Variants in PDZD2 observed in about 807,000 individuals in gnomAD.
PDZD2 encodes the protein PDZ domain containing 2.
A neutral mutation model predicts 220.7 loss-of-function variants in PDZD2; 90 were observed. The ratio of observed to expected loss-of-function variants is 0.41; its 90% confidence interval spans 0.34 to 0.49. The LOEUF (loss-of-function observed/expected upper bound fraction) is 0.49. Ranked by LOEUF, PDZD2 falls within the 20% of genes least tolerant of loss-of-function variation. The pLI, the probability that PDZD2 is intolerant of heterozygous loss-of-function variation, is 0.28. For missense variants in PDZD2, 3,174 were observed against 3,608.5 expected (o/e 0.88, Z 3.08); for synonymous variants, 1,375 against 1,450.5 (o/e 0.95, Z 1.18).
intron 2 of PDZD2, among the ~76,000 whole-genome samples, chr5:31,901,842 A>C (rs936971384): frequency 6.6e-6 from 1 of 152,176 alleles, no homozygotes; most frequent in Non-Finnish European, 1.5e-5. Flanking sequence ...TTTTCTGGAC[A>C]CTTCATGTAA....
intron 3 of PDZD2, among the ~76,000 whole-genome samples, chr5:31,988,951 A>G (rs1750952560): frequency 6.6e-6 from 1 of 151,934 alleles, no homozygotes; most frequent in African/African-American, 2.4e-5. Flanking sequence ...CTCCTGCGGT[A>G]CCCTCTGCTG....
chr5:31,670,064 T>C (rs1428747279), intron 1 of PDZD2, among the ~76,000 whole-genome samples: 1 of 152,240 alleles, frequency 6.6e-6, no homozygotes, highest in African/African-American at 2.4e-5. Context: ...ATCTGAGCCT[T>C]GCTCTTCTGG....
chr5:32,069,504 G>A, intron 14 of PDZD2, 65 bp from the exon 15 acceptor site: 1 of 917,024 alleles, frequency 1.1e-6, no homozygotes, highest in Non-Finnish European at 1.8e-6. Flanking sequence ...TCTGGTCCTA[G>A]GTACTTTCAT....
At chr5:31,911,821 C>T (rs575340258) in intron 2 of PDZD2, among the ~76,000 whole-genome samples, 2 of 152,328 alleles carry the variant, frequency 1.3e-5, no homozygotes, top group Admixed American at 6.5e-5. Context: ...CGCTTCTCTT[C>T]TGCCATGCTC....
At chr5:31,953,511 C>T (rs182518891) in intron 2 of PDZD2, among the ~76,000 whole-genome samples, 29 of 152,168 alleles carry the variant, frequency 1.9e-4, no homozygotes, top group Admixed American at 8.5e-4. Flanking sequence ...TGTGCTAATA[C>T]ATCACAAAAA....
intron 2 of PDZD2, among the ~76,000 whole-genome samples, chr5:31,965,203 G>A (rs1748619738): frequency 6.6e-6 from 1 of 152,170 alleles, no homozygotes; most frequent in South Asian, 2.1e-4. Flanking sequence ...GAAGGAAGAG[G>A]CTCTCCCATA....
At chr5:31,776,140 C>T (rs531705901) in intron 1 of PDZD2, among the ~76,000 whole-genome samples, 1 of 152,166 alleles carries the variant, frequency 6.6e-6, no homozygotes, top group South Asian at 2.1e-4. Context: ...GAATAAGGGG[C>T]CTTCACTGGC....
At chr5:31,877,381 A>C (rs1739398106) in intron 2 of PDZD2, among the ~76,000 whole-genome samples, 1 of 151,784 alleles carries the variant, frequency 6.6e-6, no homozygotes, top group African/African-American at 2.4e-5. Context: ...ACGCTGAGCT[A>C]ATATTTTTTG....
At chr5:31,981,566 T>C (rs1750301245) in intron 2 of PDZD2, among the ~76,000 whole-genome samples, 1 of 152,216 alleles carries the variant, frequency 6.6e-6, no homozygotes, top group Admixed American at 6.5e-5. Context: ...CCAGAAGGCA[T>C]GTTAATGTCT....
intron 5 of PDZD2, among the ~76,000 whole-genome samples, chr5:32,005,156 G>A (rs1019694495): frequency 2.0e-5 from 3 of 152,194 alleles, no homozygotes; most frequent in African/African-American, 4.8e-5. Flanking sequence ...CTTCCTTGCT[G>A]TCTTCACACT....
Position 32,088,983 on chromosome 5 carries a change from T to G in PDZD2, c.5535T>G (p.Val1845=). The G allele has an allele frequency of 6.2e-7, 1 of 1,614,008 alleles. No homozygotes were observed. Among genetic ancestry groups the G allele is most frequent in the Non-Finnish European group, 8.5e-7 (1 of 1,180,012 alleles). Residue 1845 remains valine (V), a synonymous_variant, in exon 20 of 25, where the codon GTT becomes GTG. Transcript: ENST00000438447. The surrounding 1 kb of genome is among the most constrained non-coding windows in gnomAD (Gnocchi z 4.6). ...QMVSSSQKKG[V]TVPHSPPQPK... ...TGAGTTCAAGCCAAAAAAAGGGCGT[T>G]ACTGTGCCTCATAGCCCTCCTCAGC...
chr5:32,038,958 C>T (rs979212756), intron 7 of PDZD2, among the ~76,000 whole-genome samples: 1 of 152,212 alleles, frequency 6.6e-6, no homozygotes, highest in Admixed American at 6.5e-5. Flanking sequence ...AGTACGTTAA[C>T]GTTCAAAAAA....
intron 2 of PDZD2, among the ~76,000 whole-genome samples, chr5:31,870,306 A>G (rs1738669167): frequency 6.6e-6 from 1 of 152,222 alleles, no homozygotes; most frequent in South Asian, 2.1e-4. Context: ...AAGTTATCAG[A>G]AATGAGACAG....
intron 1 of PDZD2, among the ~76,000 whole-genome samples, chr5:31,677,261 T>G (rs1746466561): frequency 6.6e-6 from 1 of 152,158 alleles, no homozygotes; most frequent in Admixed American, 6.6e-5. Flanking sequence ...GGGGAGCTTC[T>G]GGGACAAAAC....
At chr5:31,992,930 C>T (rs936142682) in intron 3 of PDZD2, among the ~76,000 whole-genome samples, 1 of 151,952 alleles carries the variant, frequency 6.6e-6, no homozygotes, top group African/African-American at 2.4e-5. Flanking sequence ...GGGCTGCTCC[C>T]TATGCTGGCG....
At chr5:31,833,245 G>C (rs2150272674) in intron 2 of PDZD2, among the ~76,000 whole-genome samples, 1 of 152,266 alleles carries the variant, frequency 6.6e-6, no homozygotes, top group Non-Finnish European at 1.5e-5. Flanking sequence ...GAGGTAGGCA[G>C]ATTGCTTGAG....
At chr5:31,963,048 GT>G (rs1367886175) in intron 2 of PDZD2, among the ~76,000 whole-genome samples, 3 of 151,668 alleles carry the variant, frequency 2.0e-5, no homozygotes, top group Non-Finnish European at 4.4e-5. Flanking sequence ...TGGTAATGAA[GT>G]GAGTTCCTAG....
At position 31,665,508 on chromosome 5, in the gene PDZD2, G is replaced by A. The variant is rs29758; in HGVS notation, c.-361+26071G>A. Among the ~76,000 whole-genome samples, 404 of 152,194 alleles carry A rather than the reference G, an allele frequency of 2.7e-3. 13 individuals carry two copies. In the East Asian group the frequency reaches 0.054, roughly 20 times the overall value. On this transcript the variant is annotated intron_variant, in intron 1 of 24. Transcript: ENST00000438447. ...CCCCACCCAAATCTCATCTCAAATC[G>A]TAATCCCTATGTGTCCAGGGAGGTA...
Position 31,893,276 on chromosome 5 carries a change from A to G in PDZD2, c.477-89879A>G, listed in dbSNP as rs193254701. ...TGCCATTGATTGTGGTTCGCATTTA[A>G]AAACAAAAACCTGGCTGGGCGCGGT... is the stretch of plus-strand genomic sequence containing the variant. On this transcript the variant is annotated intron_variant, in intron 2 of 24. Transcript: ENST00000438447. Among the ~76,000 whole-genome samples, 11 of 152,198 alleles carry G rather than the reference A, an allele frequency of 7.2e-5. No individual in the cohort carries two copies. In the East Asian group the frequency reaches 2.1e-3, roughly 29 times the overall value.
Sources: allele counts gnomAD v4.1 joint callset (sites outside exome capture counted in the v4.1 genomes callset), GRCh38; gene constraint gnomAD v4.1.1; non-coding constraint Gnocchi (gnomAD v3.1); transcripts MANE v1.5; gene names NCBI Gene and HGNC (gene_info 2026-07-23, HGNC 2026-07-21).